TTLL9: variants seen among roughly 807,000 people sequenced by gnomAD.
TTLL9 encodes the protein tubulin tyrosine ligase like 9.
A neutral mutation model predicts 65.6 loss-of-function variants in TTLL9; 47 were observed. That is an observed-to-expected ratio of 0.72 (90% confidence interval 0.57 to 0.91). The LOEUF (loss-of-function observed/expected upper bound fraction) is 0.91, where lower values mean the gene tolerates loss of function less well. TTLL9 is among the 40% of genes least tolerant of loss of function. The probability of loss-of-function intolerance (pLI) is 0.00; values close to 1 mark genes in which losing one functional copy is unlikely to be tolerated. For missense variants in TTLL9, 537 were observed against 568.8 expected, an observed-to-expected ratio of 0.94 and a Z score of 0.57; for synonymous variants, 179 against 204.8, an observed-to-expected ratio of 0.87 and a Z score of 1.07.
chr20:31,900,592 G>A (rs769908933), intron 4 of TTLL9, among the ~76,000 whole-genome samples: 3 of 152,210 alleles, frequency 2.0e-5, no homozygotes, highest in African/African-American at 4.8e-5. Flanking sequence ...GGGCTTTGGG[G>A]AATATTACAA....
intron 7 of TTLL9, among the ~76,000 whole-genome samples, chr20:31,922,444 G>A (rs961903166): frequency 2.0e-5 from 3 of 152,028 alleles, no homozygotes; most frequent in African/African-American, 7.2e-5. Context: ...TTAAACACAA[G>A]CTCCCCGTTC....
intron 1 of TTLL9, 41 bp from the exon 2 acceptor site, chr20:31,871,081 C>T (rs1238031351): frequency 1.3e-6 from 2 of 1,572,110 alleles, no homozygotes; most frequent in Non-Finnish European, 1.8e-6. Context: ...ATCCATTCAT[C>T]CATCCTCTCA....
At chr20:31,894,075 C>G (rs142712328) in intron 3 of TTLL9, among the ~76,000 whole-genome samples, 1 of 150,126 alleles carries the variant, frequency 6.7e-6, no homozygotes, top group Non-Finnish European at 1.5e-5. Flanking sequence ...TATAGTTTTC[C>G]CTTCTAGAAT....
chr20:31,908,923 C>T (rs909397752), intron 5 of TTLL9, among the ~76,000 whole-genome samples: 2 of 151,822 alleles, frequency 1.3e-5, no homozygotes, highest in African/African-American at 4.8e-5. Context: ...AGTTTCAGCA[C>T]CAAGATTTGA....
In TTLL9 at chr20:31,871,137, C is replaced by G. The variant is rs765491858; in HGVS notation, c.11C>G (p.Ser4Cys). The change falls in exon 2 of 15, where the codon TCC (serine) becomes TGC (cysteine). Residue 4 changes from serine to cysteine, a missense_variant. Coordinates refer to ENST00000535842, the MANE Select transcript of TTLL9 (RefSeq NM_001008409.5). MVP[S>C]REALLGPGTT... ...CGGCCCCTAGGAGGGATGGTGCCAT[C>G]CAGGGAAGCTCTGCTGGGACCAGGC... 2 of 1,614,144 alleles carry G rather than the reference C, an allele frequency of 1.2e-6. No homozygotes were observed. Among genetic ancestry groups the G allele is most frequent in the Admixed American group, 3.3e-5 (2 of 60,014 alleles).
intron 8 of TTLL9, among the ~76,000 whole-genome samples, chr20:31,924,350 T>C (rs1174483450): frequency 1.3e-5 from 2 of 151,922 alleles, no homozygotes; most frequent in Non-Finnish European, 2.9e-5. Flanking sequence ...CTAACTGACC[T>C]CATCTCCTTC....
intron 6 of TTLL9, among the ~76,000 whole-genome samples, chr20:31,919,461 A>G (rs2063782414): frequency 6.6e-6 from 1 of 152,154 alleles, no homozygotes; most frequent in Non-Finnish European, 1.5e-5. Flanking sequence ...GTGTGAAGCT[A>G]TGAATTATCC....
chr20:31,929,073 T>C (rs1016535153), intron 10 of TTLL9, among the ~76,000 whole-genome samples: 1 of 152,198 alleles, frequency 6.6e-6, no homozygotes, highest in African/African-American at 2.4e-5. Context: ...GTTCTCGCTA[T>C]GTTGCCCAGG....
chr20:31,872,065 C>T (rs1321930400), intron 2 of TTLL9, among the ~76,000 whole-genome samples: 2 of 152,194 alleles, frequency 1.3e-5, no homozygotes, highest in East Asian at 3.9e-4. Context: ...TGCTTACTAG[C>T]CATATGCAGC....
In TTLL9 at chr20:31,939,145, C is replaced by T; in HGVS notation, c.1122C>T (p.Leu374=). The change falls in exon 14 of 15, where the codon CTC becomes CTT. Residue 374 remains leucine, a synonymous_variant. Coordinates refer to ENST00000535842, the MANE Select transcript of TTLL9 (RefSeq NM_001008409.5). ...TLHVVDMEAR[L]TGREKRVGGF... ...TGTGGGCCTCCTTCCTGTCCAGGCT[C>T]ACGGGAAGGGAGAAGCGAGTCGGGG... is the stretch of plus-strand genomic sequence containing the variant. 6.3e-7 allele frequency: 1 copy of T among 1,582,684 alleles called. No homozygotes were observed. Among genetic ancestry groups the T allele is most frequent in the South Asian group, 1.2e-5 (1 of 85,680 alleles).
intron 10 of TTLL9, among the ~76,000 whole-genome samples, chr20:31,929,974 A>G (rs929181307): frequency 4.6e-5 from 7 of 152,064 alleles, no homozygotes; most frequent in Non-Finnish European, 1.5e-5. Flanking sequence ...CTAAAAATAC[A>G]AAAATTAGCC....
intron 11 of TTLL9, chr20:31,934,206 G>T (rs2064067704): frequency 4.1e-6 from 2 of 486,462 alleles, no homozygotes; most frequent in Non-Finnish European, 7.9e-6. Context: ...AAAATAACCT[G>T]CAAGGCCAGG....
intron 4 of TTLL9, among the ~76,000 whole-genome samples, chr20:31,904,829 C>G (rs926027989): frequency 1.1e-4 from 17 of 152,156 alleles, no homozygotes; most frequent in African/African-American, 3.1e-4. Context: ...AGTCTATCAT[C>G]TTGCCTAGAG....
chr20:31,878,954 TAA>T (rs2063072299), intron 2 of TTLL9, among the ~76,000 whole-genome samples: 1 of 152,192 alleles, frequency 6.6e-6, no homozygotes, highest in Admixed American at 6.5e-5. Flanking sequence ...ACATCTTTAT[TAA>T]GAGATGGAAA....
chr20:31,911,387 C>T (rs1389822995), intron 6 of TTLL9, among the ~76,000 whole-genome samples: 1 of 152,120 alleles, frequency 6.6e-6, no homozygotes, highest in Non-Finnish European at 1.5e-5. Context: ...AGGGAGCAGC[C>T]CTTTCCTGTG....
chr20:31,886,828 A>G (rs2063195363), intron 2 of TTLL9, among the ~76,000 whole-genome samples: 1 of 152,186 alleles, frequency 6.6e-6, no homozygotes, highest in African/African-American at 2.4e-5. Context: ...CAACAACAAC[A>G]ACAACAACAA....
intron 7 of TTLL9, among the ~76,000 whole-genome samples, chr20:31,921,357 AC>A (rs2063813337): frequency 6.6e-6 from 1 of 152,220 alleles, no homozygotes; most frequent in African/African-American, 2.4e-5. Context: ...AAATAGGAAC[AC>A]TTTTACACTG....
intron 12 of TTLL9, among the ~76,000 whole-genome samples, chr20:31,935,630 GTCTC>G (rs2064096056): frequency 6.6e-6 from 1 of 152,246 alleles, no homozygotes. Flanking sequence ...GCACCAGCAG[GTCTC>G]TCTCCTTTGT....
intron 3 of TTLL9, among the ~76,000 whole-genome samples, chr20:31,892,367 A>G (rs760605007): frequency 2.6e-5 from 4 of 151,836 alleles, no homozygotes; most frequent in Non-Finnish European, 5.9e-5. Flanking sequence ...AGAGACGGCC[A>G]CCATGTTGGC....
Sources: allele counts gnomAD v4.1 joint callset (sites outside exome capture counted in the v4.1 genomes callset), GRCh38; gene constraint gnomAD v4.1.1; transcripts MANE v1.5; gene names NCBI Gene and HGNC (gene_info 2026-07-23, HGNC 2026-07-21).